Variants in DNAH14 observed in about 807,000 individuals in gnomAD.
DNAH14 encodes axonemal beta dynein heavy chain 14.
A neutral mutation model predicts 520.9 loss-of-function variants in DNAH14; 478 were observed. The ratio of observed to expected loss-of-function variants is 0.92; its 90% CI spans 0.85 to 0.99. The LOEUF is 0.99. Among genes scored for constraint, DNAH14 ranks in the 50% least tolerant of loss-of-function variants. DNAH14 has a pLI of 0.00. For missense variants in DNAH14, 4,831 were observed against 5,234.5 expected (o/e 0.92, Z 2.38); for synonymous variants, 1,581 against 1,757.2 (o/e 0.90, Z 2.51).
chr1:225,111,675 T>G (rs1372677917), intron 23 of DNAH14, among the ~76,000 whole-genome samples: 1 of 152,072 alleles, frequency 6.6e-6, no homozygotes, highest in Non-Finnish European at 1.5e-5. Context: ...TTTTTAAAAT[T>G]TGTTTTCTGG....
At position 225,036,865 on chromosome 1, in the gene DNAH14, G is replaced by A. The variant is rs368468071; in HGVS notation, c.1359-1829G>A. ...GTTTGTCCAAGATGACAGTGCTCCT[G>A]CTCTGTCAATAATACTTGCTTTTTA... On this transcript the variant is annotated intron_variant, in intron 11 of 85. Coordinates refer to ENST00000682510, the MANE Select transcript of DNAH14 (RefSeq NM_001367479.1). 2.6e-4 allele frequency among the ~76,000 whole-genome samples: 40 copies of A among 152,278 alleles called. No individual in the cohort carries two copies. The South Asian group carries it at 8.3e-3, about 32-fold the overall frequency.
At chr1:225,326,041 T>C (rs1033889994) in intron 64 of DNAH14, among the ~76,000 whole-genome samples, 8 of 152,252 alleles carry the variant, frequency 5.3e-5, no homozygotes, top group Non-Finnish European at 1.0e-4. Context: ...TAATATTTTG[T>C]TGTAGCTTAT....
intron 21 of DNAH14, among the ~76,000 whole-genome samples, chr1:225,092,619 T>G (rs1012920440): frequency 6.6e-6 from 1 of 151,754 alleles, no homozygotes; most frequent in African/African-American, 2.4e-5. Flanking sequence ...CTAGAGGAAT[T>G]AGAGAAACAA....
In DNAH14 at chr1:225,079,501, G is replaced by A. The variant is rs1226392611; in HGVS notation, c.2719G>A (p.Ala907Thr). Reference protein sequence around the residue: ...AITKFRDNLEACISGLHVDVG... With the variant: ...AITKFRDNLETCISGLHVDVG... ...AACTAAATTCAGAGATAACTTGGAA[G>A]CATGTATCAGTGGTCTACATGTTGA... The change falls in exon 18 of 86, where the codon GCA (alanine) becomes ACA (threonine). Residue 907 changes from alanine (A) to threonine (T), a missense_variant. Coordinates refer to ENST00000682510, the MANE Select transcript of DNAH14 (RefSeq NM_001367479.1). 6.5e-7 allele frequency: 1 copy of A among 1,540,448 alleles called. No homozygotes were observed. Among genetic ancestry groups the A allele is most frequent in the Middle Eastern group, 1.7e-4 (1 of 5,966 alleles).
In DNAH14 at chr1:225,265,337, A is replaced by G. The variant is rs371011826; in HGVS notation, c.7378A>G (p.Lys2460Glu). 5 of 1,540,228 alleles carry G rather than the reference A, an allele frequency of 3.2e-6. No individual in the cohort carries two copies. Among genetic ancestry groups the G allele is most frequent in the Admixed American group, 2.1e-5 (1 of 47,708 alleles). ...TCTTAAGAAGTTAATAAGAAGAACTAAAGATACTCTTGGAGCACCAAAAAA... is the reference window on the plus strand; with the variant it reads ...TCTTAAGAAGTTAATAAGAAGAACTGAAGATACTCTTGGAGCACCAAAAAA... ...MILKKLIRRTKDTLGAPKNNR... is the reference protein window; with the variant it reads ...MILKKLIRRTEDTLGAPKNNR... Residue 2460 changes from lysine to glutamate, a missense_variant, in exon 48 of 86, where the codon AAA becomes GAA. Physicochemically the swap from Lys to Glu is moderately conservative, Grantham distance 56 (BLOSUM62 1). Transcript: ENST00000682510.
At chr1:225,125,303 TCTCCAA>T (rs1283971390) in intron 27 of DNAH14, among the ~76,000 whole-genome samples, 2 of 152,218 alleles carry the variant, frequency 1.3e-5, no homozygotes, top group Non-Finnish European at 1.5e-5. Flanking sequence ...TATTGACTTC[TCTCCAA>T]CTACAAAAGT....
chr1:225,029,588 A>G (rs1470954081), intron 11 of DNAH14, among the ~76,000 whole-genome samples: 1 of 151,996 alleles, frequency 6.6e-6, no homozygotes, highest in Non-Finnish European at 1.5e-5. Context: ...AGAGATATTA[A>G]TCTACTGACC....
At chr1:224,981,731 G>T (rs2062284125) in intron 8 of DNAH14, among the ~76,000 whole-genome samples, 1 of 152,052 alleles carries the variant, frequency 6.6e-6, no homozygotes, top group Non-Finnish European at 1.5e-5. Context: ...TCTTTTCAAA[G>T]AACCAGCTTT....
Position 225,252,363 on chromosome 1 carries a change from G to C in DNAH14, c.6811G>C (p.Glu2271Gln), listed in dbSNP as rs1027475439. Residue 2271 changes from glutamate (E) to glutamine (Q), a missense_variant, in exon 44 of 86, where the codon GAA becomes CAA. By Grantham distance (29) the Glu-to-Gln change is conservative. Transcript: ENST00000682510. Reference protein sequence around the residue: ...FGYFVDIEQCEFIPWSDLVPN... With the variant: ...FGYFVDIEQCQFIPWSDLVPN... ...ATATTTTGTGGATATAGAGCAATGT[G>C]AATTCATACCTTGGTCAGATTTAGT... is the stretch of plus-strand genomic sequence containing the variant. 1.6e-5 allele frequency: 25 copies of C among 1,549,666 alleles called. No individual in the cohort carries two copies. The highest frequency in any genetic ancestry group is 2.2e-5 in the Non-Finnish European group (25 of 1,145,938).
chr1:225,011,975 G>C (rs1010739710), intron 10 of DNAH14, among the ~76,000 whole-genome samples: 3 of 151,956 alleles, frequency 2.0e-5, no homozygotes, highest in African/African-American at 7.3e-5. Context: ...TATTATGTGT[G>C]AATTTCATCT....
At chr1:224,944,560 G>A (rs572113458) in intron 1 of DNAH14, among the ~76,000 whole-genome samples, 4 of 152,162 alleles carry the variant, frequency 2.6e-5, no homozygotes, top group South Asian at 2.1e-4. Context: ...TATTTTGCTC[G>A]TTAGTTGATG....
chr1:225,129,681 A>C (rs1362889754), intron 27 of DNAH14, among the ~76,000 whole-genome samples: 2 of 151,904 alleles, frequency 1.3e-5, no homozygotes, highest in African/African-American at 2.4e-5. Context: ...GATGGATTAA[A>C]GACTTAAACG....
intron 7 of DNAH14, among the ~76,000 whole-genome samples, chr1:224,970,009 C>G (rs1251811065): frequency 6.6e-6 from 1 of 152,158 alleles, no homozygotes; most frequent in East Asian, 1.9e-4. Context: ...CAGCAATGTT[C>G]AGGGAACAAG....
chr1:225,195,026 G>A (rs913361212), intron 38 of DNAH14, among the ~76,000 whole-genome samples: 5 of 152,096 alleles, frequency 3.3e-5, no homozygotes, highest in Admixed American at 1.3e-4. Flanking sequence ...ATGCTAGCAA[G>A]GGTATGGAGA....
In DNAH14 at chr1:225,023,702, C is replaced by G; in HGVS notation, c.1195C>G (p.Arg399Gly). 3 of 1,550,768 alleles carry G rather than the reference C, an allele frequency of 1.9e-6. No homozygotes were observed. Among genetic ancestry groups the G allele is most frequent in the Non-Finnish European group, 2.6e-6 (3 of 1,146,490 alleles). ...TTHFKLPKYR[R>G]LLETFFKFVM... ...ACATTTCAAGCTGCCTAAATATAGA[C>G]GTTTATTAGAAACATTTTTCAAGTT... Residue 399 changes from arginine (R) to glycine (G), a missense_variant, in exon 11 of 86, where the codon CGT becomes GGT. Transcript: ENST00000682510.
In DNAH14 at chr1:225,265,335, C is replaced by A; in HGVS notation, c.7376C>A (p.Thr2459Asn). The A allele has an allele frequency of 6.5e-7, 1 of 1,539,782 alleles. No homozygotes were observed. The highest frequency in any genetic ancestry group is 1.2e-5 in the South Asian group (1 of 80,760). The change falls in exon 48 of 86, where the codon ACT becomes AAT. Residue 2459 changes from threonine (T) to asparagine (N), a missense_variant. Coordinates refer to ENST00000682510, the MANE Select transcript of DNAH14 (RefSeq NM_001367479.1). ...ATTCTTAAGAAGTTAATAAGAAGAA[C>A]TAAAGATACTCTTGGAGCACCAAAA... Reference protein sequence around the residue: ...EMILKKLIRRTKDTLGAPKNN... With the variant: ...EMILKKLIRRNKDTLGAPKNN...
chr1:225,331,313 C>A, intron 64 of DNAH14, 124 bp from the exon 65 acceptor site: 2 of 929,878 alleles, frequency 2.2e-6, no homozygotes, highest in Non-Finnish European at 3.1e-6. Flanking sequence ...ATAATCCCTC[C>A]AGAAAGATTT....
At chr1:225,050,465 G>A in intron 16 of DNAH14, 89 bp downstream of exon 16, 1 of 1,346,534 alleles carries the variant, frequency 7.4e-7, no homozygotes, top group Non-Finnish European at 1.0e-6. Flanking sequence ...TGAAAAATTA[G>A]GGTATCCTAT....
At position 225,351,647 on chromosome 1, in the gene DNAH14, G is replaced by A; in HGVS notation, c.11297G>A (p.Ser3766Asn). 1 of 1,534,472 alleles carries A rather than the reference G, an allele frequency of 6.5e-7. No homozygotes were observed. The highest frequency in any genetic ancestry group is 8.8e-7 in the Non-Finnish European group (1 of 1,137,936). ...KSALSQSRLT[S>N]TFEIGESQHL... ...GTGATCATCTTTCTTTTTTTATCAGGCACATTTGAAATAGGTGAAAGTCAA... is the reference window on the plus strand; with the variant it reads ...GTGATCATCTTTCTTTTTTTATCAGACACATTTGAAATAGGTGAAAGTCAA... The change falls in exon 72 of 86, where the codon AGC becomes AAC. Residue 3766 changes from serine (S) to asparagine (N), a missense_variant and splice_region_variant. Transcript: ENST00000682510.
Sources: allele counts gnomAD v4.1 joint callset (sites outside exome capture counted in the v4.1 genomes callset), GRCh38; gene constraint gnomAD v4.1.1; transcripts MANE v1.5; gene names NCBI Gene and HGNC (gene_info 2026-07-23, HGNC 2026-07-21).